MGRN1: variants seen among roughly 807,000 people sequenced by gnomAD.
MGRN1 encodes mahogunin ring finger 1, also known as E3 ubiquitin-protein ligase MGRN1.
MGRN1 carries 29 observed loss-of-function variants against 69.2 expected under a neutral mutation model. The ratio of observed to expected loss-of-function variants is 0.42; its 90% confidence interval spans 0.31 to 0.57. The LOEUF (loss-of-function observed/expected upper bound fraction) is 0.57. Among genes scored for constraint, MGRN1 ranks in the 20% least tolerant of loss-of-function variants. MGRN1 has a pLI of 0.15. For synonymous variants in MGRN1, 470 were observed against 344.2 expected, an observed-to-expected ratio of 1.37 and a Z score of -4.04; for missense variants, 998 against 796.2, an observed-to-expected ratio of 1.25 and a Z score of -3.05.
At chr16:4,668,773 T>C (rs182692872) in intron 8 of MGRN1, among the ~76,000 whole-genome samples, 56 of 135,026 alleles carry the variant, frequency 4.1e-4, no homozygotes, top group Admixed American at 2.9e-4. Context: ...CACACACACA[T>C]AGACATTCAT....
Position 4,671,287 on chromosome 16 carries a change from T to A in MGRN1, c.727-104T>A, listed in dbSNP as rs78431070. On this transcript the variant is annotated intron_variant, in intron 8 of 16. Coordinates refer to ENST00000262370, the MANE Select transcript of MGRN1 (RefSeq NM_015246.4). ...GGGGTTGAGCTGGACTGACCCCTGG[T>A]ATGGAAGCCTGGTAAGTTGGAGGCA... 3 of 1,097,212 alleles carry A rather than the reference T, an allele frequency of 2.7e-6. No homozygotes were observed. In the African/African-American group the frequency reaches 4.6e-5, roughly 17 times the overall value. The allele number at this position is 1,097,212 out of a possible 1,614,324, so 68.0% of individuals were successfully genotyped here.
intron 1 of MGRN1, 41 bp from the exon 2 acceptor site, chr16:4,650,324 A>C (rs769660112): frequency 1.6e-5 from 24 of 1,537,282 alleles, no homozygotes; most frequent in Non-Finnish European, 2.0e-5. Context: ...TCTCAAAAAA[A>C]AAAAAAAAAA....
chr16:4,680,405 C>G (rs947431531), intron 12 of MGRN1: 3 of 354,186 alleles, frequency 8.5e-6, no homozygotes, highest in East Asian at 6.3e-5. Flanking sequence ...GCAGGCGGAA[C>G]TAACGTCGCT....
intron 7 of MGRN1, among the ~76,000 whole-genome samples, chr16:4,667,526 G>T (rs973560526): frequency 2.0e-5 from 3 of 152,206 alleles, no homozygotes; most frequent in African/African-American, 4.8e-5. Flanking sequence ...TGGCAAAATG[G>T]TCTATTCTGT....
intron 1 of MGRN1, among the ~76,000 whole-genome samples, chr16:4,625,949 G>C (rs1237043088): frequency 1.3e-5 from 2 of 152,180 alleles, no homozygotes; most frequent in African/African-American, 4.8e-5. Flanking sequence ...TCAGTCTCCT[G>C]GGTGTCTCCG....
intron 1 of MGRN1, among the ~76,000 whole-genome samples, chr16:4,637,713 C>T (rs557163668): frequency 6.6e-6 from 1 of 152,346 alleles, no homozygotes; most frequent in East Asian, 1.9e-4. Flanking sequence ...CCAGCTGCTC[C>T]GGCGTGTGTG....
At chr16:4,682,022 G>A (rs768936004) in intron 13 of MGRN1, among the ~76,000 whole-genome samples, 5 of 151,974 alleles carry the variant, frequency 3.3e-5, no homozygotes, top group Non-Finnish European at 7.4e-5. Flanking sequence ...CCACACCGGC[G>A]TGCAGGCGCA....
chr16:4,639,041 TG>T (rs1481802671), intron 1 of MGRN1, among the ~76,000 whole-genome samples: 1 of 152,180 alleles, frequency 6.6e-6, no homozygotes, highest in Non-Finnish European at 1.5e-5. Flanking sequence ...TTGTGTGACC[TG>T]AGCAGGTCAC....
At chr16:4,681,901 A>T (rs1390713944) in intron 13 of MGRN1, 125 bp downstream of exon 13, 3 of 980,152 alleles carry the variant, frequency 3.1e-6, no homozygotes, top group Non-Finnish European at 4.4e-6. Context: ...AAGGACTCGG[A>T]GACCCCGTAT....
chr16:4,682,684 G>A (rs1470437005), intron 13 of MGRN1, 139 bp from the exon 14 acceptor site: 2 of 1,024,282 alleles, frequency 2.0e-6, no homozygotes, highest in Non-Finnish European at 2.6e-6. Context: ...GGCTGGTGAT[G>A]CCCTTCTCCA....
At chr16:4,647,587 G>T (rs1368327121) in intron 1 of MGRN1, among the ~76,000 whole-genome samples, 1 of 152,250 alleles carries the variant, frequency 6.6e-6, no homozygotes, top group African/African-American at 2.4e-5. Context: ...TTCACAATTT[G>T]TGTTGCGCAC....
rs1441411872 is a variant in MGRN1 at position 4,690,119 on chromosome 16, T to G, written c.*1211T>G. ...CTGTCTCAGGCTTCTGTGGCAGGAC[T>G]GGCCCAGGGAGGAGGAAGCCAGCAG... On this transcript the variant is annotated 3_prime_UTR_variant, in exon 17 of 17. Coordinates refer to ENST00000262370, the MANE Select transcript of MGRN1 (RefSeq NM_015246.4). 1 of 152,380 alleles carries G rather than the reference T, an allele frequency of 6.6e-6. No individual in the cohort carries two copies. Among genetic ancestry groups the G allele is most frequent in the Non-Finnish European group, 1.5e-5 (1 of 68,156 alleles). The allele number at this position is 152,380 out of a possible 1,614,324, so 9.4% of individuals were successfully genotyped here.
intron 1 of MGRN1, among the ~76,000 whole-genome samples, chr16:4,647,301 C>T (rs1385138996): frequency 1.3e-5 from 2 of 152,228 alleles, no homozygotes; most frequent in Non-Finnish European, 2.9e-5. Context: ...CGGAGACCAC[C>T]GTGCCCTGAG....
chr16:4,682,986 C>G (rs1011769217), intron 14 of MGRN1, 40 bp downstream of exon 14: 1 of 1,506,124 alleles, frequency 6.6e-7, no homozygotes, highest in African/African-American at 1.4e-5. Flanking sequence ...CCCGCCCGGG[C>G]CAGCCCTCCT....
intron 5 of MGRN1, chr16:4,664,256 A>T (rs1489012827): frequency 4.3e-6 from 1 of 233,720 alleles, no homozygotes; most frequent in Non-Finnish European, 8.6e-6. Context: ...ACATACCTAG[A>T]CACAGAAGGT....
chr16:4,657,773 TCTCG>T (rs1358546592), intron 5 of MGRN1, among the ~76,000 whole-genome samples: 3 of 129,246 alleles, frequency 2.3e-5, no homozygotes, highest in Non-Finnish European at 3.2e-5. Flanking sequence ...TTTGAGACAG[TCTCG>T]CTCTGTCGCC....
At chr16:4,638,101 C>A (rs977454068) in intron 1 of MGRN1, among the ~76,000 whole-genome samples, 1 of 152,058 alleles carries the variant, frequency 6.6e-6, no homozygotes, top group Non-Finnish European at 1.5e-5. Context: ...CCGGAGGCTC[C>A]TTTGTGTTAA....
intron 1 of MGRN1, among the ~76,000 whole-genome samples, chr16:4,628,947 C>T (rs1023438089): frequency 6.6e-6 from 1 of 152,150 alleles, no homozygotes; most frequent in Non-Finnish European, 1.5e-5. Context: ...AGTGATTCTC[C>T]TGCCTCAGCC....
intron 2 of MGRN1, chr16:4,651,055 G>A (rs538992060): frequency 1.3e-5 from 2 of 152,118 alleles, no homozygotes; most frequent in Admixed American, 6.5e-5. Context: ...GTGGCAGTGA[G>A]CCGAGATTGC....
Sources: gnomAD v4.1 joint callset for allele counts (sites outside exome capture counted in the v4.1 genomes callset) on GRCh38, gnomAD v4.1.1 for gene constraint, MANE v1.5 for transcripts, NCBI Gene and HGNC (gene_info 2026-07-23, HGNC 2026-07-21) for gene names.